The following MKLN1 variants were observed in gnomAD, a reference collection of about 807,000 sequenced individuals.
The protein encoded by MKLN1 is muskelin 1.
A neutral mutation model predicts 99.0 loss-of-function variants in MKLN1; 18 were observed. That is an observed-to-expected ratio of 0.18 (90% confidence interval 0.13 to 0.27). The LOEUF (loss-of-function observed/expected upper bound fraction) is 0.27. Ranked by LOEUF, MKLN1 falls within the 10% of genes least tolerant of loss-of-function variation. The pLI, the probability that MKLN1 is intolerant of heterozygous loss-of-function variation, is 1.00. For missense variants in MKLN1, 621 were observed against 875.9 expected, an observed-to-expected ratio of 0.71 and a Z score of 3.67; for synonymous variants, 288 against 293.2, an observed-to-expected ratio of 0.98 and a Z score of 0.18.
At chr7:131,454,620 A>G (rs1339454360) in intron 12 of MKLN1, among the ~76,000 whole-genome samples, 2 of 152,200 alleles carry the variant, frequency 1.3e-5, no homozygotes, top group African/African-American at 4.8e-5. Context: ...AAGTTGCCTA[A>G]CCCCAGGGCA....
chr7:131,119,471 T>G (rs994921782), intron 1 of MKLN1, among the ~76,000 whole-genome samples: 1 of 152,232 alleles, frequency 6.6e-6, no homozygotes, highest in African/African-American at 2.4e-5. Context: ...TGGAGGACAG[T>G]GGCCCTTTTC....
intron 6 of MKLN1, among the ~76,000 whole-genome samples, 196 bp downstream of exon 6, chr7:131,399,629 A>T (rs530026886): frequency 4.5e-4 from 69 of 152,334 alleles, no homozygotes; most frequent in African/African-American, 1.6e-3. Context: ...GACTTAAAAA[A>T]TTGAAATGTA....
intron 3 of MKLN1, among the ~76,000 whole-genome samples, chr7:131,290,106 G>A (rs548514567): frequency 6.6e-6 from 1 of 152,324 alleles, no homozygotes; most frequent in South Asian, 2.1e-4. Context: ...AGGAGTTCAA[G>A]ACCAGCCTGA....
At chr7:131,441,451 T>TTA (rs1277793018) in intron 10 of MKLN1, among the ~76,000 whole-genome samples, 1 of 152,206 alleles carries the variant, frequency 6.6e-6, no homozygotes, top group East Asian at 1.9e-4. Flanking sequence ...ATTTTAAAAA[T>TTA]TAAATATCTA....
At chr7:131,214,356 G>A (rs1272692559) in intron 3 of MKLN1, among the ~76,000 whole-genome samples, 1 of 151,986 alleles carries the variant, frequency 6.6e-6, no homozygotes, top group African/African-American at 2.4e-5. Context: ...CTAGAGTGGG[G>A]TTGGGATGGG....
At chr7:131,408,104 G>A (rs989786599) in intron 6 of MKLN1, among the ~76,000 whole-genome samples, 1 of 151,994 alleles carries the variant, frequency 6.6e-6, no homozygotes, top group African/African-American at 2.4e-5. Context: ...TAATATATGA[G>A]AATGATTAAT....
chr7:131,337,040 T>C (rs2116712198), intron 1 of MKLN1, among the ~76,000 whole-genome samples: 1 of 152,326 alleles, frequency 6.6e-6, no homozygotes. Context: ...AGATCTCAGT[T>C]CATTGTCTTC....
chr7:131,248,364 C>T (rs1170639668), intron 3 of MKLN1, among the ~76,000 whole-genome samples: 2 of 152,106 alleles, frequency 1.3e-5, no homozygotes, highest in South Asian at 2.1e-4. Context: ...GATAGTTACC[C>T]CTCTATCTCT....
intron 3 of MKLN1, among the ~76,000 whole-genome samples, chr7:131,225,437 GACAA>G (rs1053330104): frequency 6.6e-6 from 1 of 152,144 alleles, no homozygotes; most frequent in Non-Finnish European, 1.5e-5. Flanking sequence ...TTTGGGGAGA[GACAA>G]ACACTCAGTC....
chr7:131,237,036 T>TC (rs1342195581), intron 3 of MKLN1, among the ~76,000 whole-genome samples: 1 of 152,030 alleles, frequency 6.6e-6, no homozygotes, highest in Non-Finnish European at 1.5e-5. Context: ...ACAGTCTGGT[T>TC]CCCCCCAAGC....
chr7:131,435,034 T>A (rs756831981), intron 9 of MKLN1, among the ~76,000 whole-genome samples: 2 of 152,210 alleles, frequency 1.3e-5, no homozygotes, highest in African/African-American at 2.4e-5. Context: ...TTGAAAGTCT[T>A]TCTATTCCTA....
rs1240260147 is a variant in MKLN1, at chr7:131,455,014, T to C, written c.1526-8203T>C. ...TTAATCTACTGTTAGTTAGGTTTTC[T>C]GTTACTTGGAGCTGAAAATATCCTA... is the stretch of plus-strand genomic sequence containing the variant. On this transcript the variant is annotated intron_variant, in intron 12 of 17. Coordinates refer to ENST00000352689, the MANE Select transcript of MKLN1 (RefSeq NM_013255.5). Among the ~76,000 whole-genome samples the C allele has an allele frequency of 3.9e-5, 6 of 152,244 alleles. No individual in the cohort carries two copies. The East Asian group carries it at 1.2e-3, about 29-fold the overall frequency.
At chr7:131,145,090 C>T (rs1391935718) in intron 2 of MKLN1, among the ~76,000 whole-genome samples, 1 of 152,082 alleles carries the variant, frequency 6.6e-6, no homozygotes, top group Non-Finnish European at 1.5e-5. Flanking sequence ...ACACTTATAT[C>T]GATGACTAAG....
chr7:131,123,051 T>TAAAAAA (rs1795400753), intron 1 of MKLN1, among the ~76,000 whole-genome samples: 1 of 65,506 alleles, frequency 1.5e-5, no homozygotes, highest in Non-Finnish European at 2.9e-5. Context: ...AAAAAAAAAG[T>TAAAAAA]GTTGCTGCTA....
chr7:131,418,589 G>A (rs1795097047), intron 8 of MKLN1, among the ~76,000 whole-genome samples: 1 of 152,182 alleles, frequency 6.6e-6, no homozygotes, highest in African/African-American at 2.4e-5. Context: ...TGGGCCTCAT[G>A]CAGCCCATGG....
At chr7:131,132,454 C>T (rs938620397) in intron 1 of MKLN1, among the ~76,000 whole-genome samples, 2 of 152,188 alleles carry the variant, frequency 1.3e-5, no homozygotes, top group Non-Finnish European at 2.9e-5. Context: ...ATACATATAT[C>T]CATACATAAC....
At chr7:131,389,114 T>C in intron 4 of MKLN1, 142 bp downstream of exon 4, 1 of 542,418 alleles carries the variant, frequency 1.8e-6, no homozygotes, top group Non-Finnish European at 3.2e-6. Flanking sequence ...TTTGTTTACA[T>C]ATTGTCTGTA....
At chr7:131,308,267 T>TA (rs1269469125) in intron 3 of MKLN1, among the ~76,000 whole-genome samples, 3 of 151,466 alleles carry the variant, frequency 2.0e-5, no homozygotes, top group Non-Finnish European at 4.4e-5. Flanking sequence ...CGTAGTTTTT[T>TA]TTTTTTTTTT....
At chr7:131,429,468 CTTATTT>C (rs753893101) in intron 9 of MKLN1, among the ~76,000 whole-genome samples, 3 of 152,090 alleles carry the variant, frequency 2.0e-5, no homozygotes, top group Non-Finnish European at 2.9e-5. Context: ...TACCTCTATT[CTTATTT>C]TTAACATTCA....
Sources: allele counts gnomAD v4.1 joint callset (sites outside exome capture counted in the v4.1 genomes callset), GRCh38; gene constraint gnomAD v4.1.1; transcripts MANE v1.5; gene names NCBI Gene and HGNC (gene_info 2026-07-23, HGNC 2026-07-21).